Variants in LIPC observed in about 807,000 individuals in gnomAD.
LIPC encodes hepatic triacylglycerol lipase.
LIPC carries 44 observed loss-of-function variants against 50.7 expected under a neutral mutation model. The observed-to-expected ratio is 0.87, with a 90% CI of 0.68 to 1.11. LIPC has a LOEUF of 1.11. Among genes scored for constraint, LIPC ranks in the 50% most tolerant of loss-of-function variants. The probability of loss-of-function intolerance (pLI) is 0.00; values close to 1 mark genes in which losing one functional copy is unlikely to be tolerated. For synonymous variants in LIPC, 271 were observed against 256.4 expected (o/e 1.06, Z -0.54); for missense variants, 697 against 648.2 (o/e 1.08, Z -0.82).
intron 1 of LIPC, among the ~76,000 whole-genome samples, chr15:58,486,774 G>C (rs1329715253): frequency 1.3e-5 from 2 of 152,182 alleles, no homozygotes; most frequent in African/African-American, 4.8e-5. Flanking sequence ...TGTTTCATTT[G>C]CCAGTCAGAA....
Position 58,545,823 on chromosome 15 carries a change from C to T in LIPC, c.656C>T (p.Ala219Val), listed in dbSNP as rs1322529763. The change falls in exon 5 of 9, where the codon GCC becomes GTC. Residue 219 changes from alanine to valine, a missense_variant. Coordinates refer to ENST00000299022, the MANE Select transcript of LIPC (RefSeq NM_000236.3). Reference sequence around the variant, plus strand: ...CCAGATGATGCCAATTTTGTGGATGCCATTCATACCTTTACCCGGGAGCAC... The same window carrying T: ...CCAGATGATGCCAATTTTGTGGATGTCATTCATACCTTTACCCGGGAGCAC... The part of the protein sequence containing the change: ...LSPDDANFVD[A>V]IHTFTREHMG... The T allele has an allele frequency of 8.7e-6, 14 of 1,614,090 alleles. No homozygotes were observed. Among genetic ancestry groups the T allele is most frequent in the Non-Finnish European group, 1.2e-5 (14 of 1,180,044 alleles).
At chr15:58,543,175 G>T (rs1301294288) in intron 4 of LIPC, among the ~76,000 whole-genome samples, 1 of 152,110 alleles carries the variant, frequency 6.6e-6, no homozygotes, top group Non-Finnish European at 1.5e-5. Context: ...ATCCAGGAAG[G>T]TCTGCACATG....
chr15:58,542,671 C>T lies in LIPC; in HGVS notation c.574+20C>T. 2.0e-6 allele frequency: 3 copies of T among 1,507,270 alleles called. No individual in the cohort carries two copies. The highest frequency in any genetic ancestry group is 2.8e-6 in the Non-Finnish European group (3 of 1,082,908). The allele number at this position is 1,507,270 out of a possible 1,614,324, so 93.4% of individuals were successfully genotyped here. On this transcript the variant is annotated intron_variant, in intron 4 of 8. Transcript: ENST00000299022. ...TCACAGGTAACCATGCCTAATAACT[C>T]ACACACTGATCTCCACTCCATAGGG...
intron 6 of LIPC, among the ~76,000 whole-genome samples, chr15:58,551,343 G>A (rs1295166287): frequency 2.6e-5 from 4 of 152,180 alleles, no homozygotes; most frequent in Non-Finnish European, 1.5e-5. Context: ...ATGGGATACT[G>A]CTATCTATAT....
intron 1 of LIPC, among the ~76,000 whole-genome samples, chr15:58,461,839 C>A (rs538884581): frequency 6.6e-6 from 1 of 152,222 alleles, no homozygotes; most frequent in South Asian, 2.1e-4. Context: ...TGTCTCCCCC[C>A]GGTTCCGATT....
intron 1 of LIPC, among the ~76,000 whole-genome samples, chr15:58,432,693 C>T (rs1893166021): frequency 6.6e-6 from 1 of 152,188 alleles, no homozygotes; most frequent in Admixed American, 6.5e-5. Context: ...AATTCACAAA[C>T]TAGATTGATG....
intron 1 of LIPC, among the ~76,000 whole-genome samples, chr15:58,433,556 T>C (rs569376081): frequency 1.3e-5 from 2 of 152,374 alleles, no homozygotes; most frequent in African/African-American, 4.8e-5. Context: ...TTCTCACTGC[T>C]GTAGCATTCC....
At chr15:58,497,575 A>C (rs1891817120) in intron 1 of LIPC, 1 of 151,722 alleles carries the variant, frequency 6.6e-6, no homozygotes, top group Non-Finnish European at 1.5e-5. Flanking sequence ...TCCTGGAAGC[A>C]ATGTGCTCCG....
chr15:58,524,289 G>T (rs558302686), intron 1 of LIPC, among the ~76,000 whole-genome samples: 1 of 152,282 alleles, frequency 6.6e-6, no homozygotes, highest in Non-Finnish European at 1.5e-5. Flanking sequence ...CTTTAGTCAA[G>T]CTGCAAAGTA....
At chr15:58,506,329 C>T (rs564458567) in intron 1 of LIPC, among the ~76,000 whole-genome samples, 4 of 152,258 alleles carry the variant, frequency 2.6e-5, no homozygotes, top group African/African-American at 9.6e-5. Context: ...AAGCCAGCCA[C>T]ACCCAGTCTT....
At chr15:58,565,501 G>A (rs1182024079) in intron 8 of LIPC, 2 of 1,378,190 alleles carry the variant, frequency 1.5e-6, no homozygotes, top group East Asian at 2.6e-5. Context: ...ATTGAAGCAG[G>A]TGCTCCATGG....
At chr15:58,549,471 CT>C (rs1893670226) in intron 6 of LIPC, among the ~76,000 whole-genome samples, 1 of 152,198 alleles carries the variant, frequency 6.6e-6, no homozygotes, top group African/African-American at 2.4e-5. Context: ...CCATCAGCTC[CT>C]TGTGGTTCTC....
intron 1 of LIPC, among the ~76,000 whole-genome samples, chr15:58,439,199 G>A (rs1486446460): frequency 6.6e-6 from 1 of 152,134 alleles, no homozygotes; most frequent in Non-Finnish European, 1.5e-5. Flanking sequence ...GAAAATACAT[G>A]TGTTTGAGAA....
Position 58,464,277 on chromosome 15 carries a change from CGCA to C in LIPC, c.88+32159_88+32161del, listed in dbSNP as rs376228797. On this transcript the variant is annotated intron_variant, in intron 1 of 8. Coordinates refer to ENST00000299022, the MANE Select transcript of LIPC (RefSeq NM_000236.3). The stretch of plus-strand genomic sequence containing the variant: ...GGTTTCCTAGGAGCAGTACTCATAA[CGCA>C]GGTGCGATGGACACCTGTAGGTGGG... Among the ~76,000 whole-genome samples the C allele has an allele frequency of 2.9e-3, 436 of 152,218 alleles. 2 individuals are homozygous for C. The highest frequency in any genetic ancestry group is 0.01 in the African/African-American group (426 of 41,540).
intron 6 of LIPC, 57 bp downstream of exon 6, chr15:58,548,629 G>T: frequency 1.3e-6 from 2 of 1,555,086 alleles, no homozygotes; most frequent in South Asian, 1.2e-5. Context: ...CTGTCCAAAG[G>T]GCTCAGAAGT....
intron 3 of LIPC, among the ~76,000 whole-genome samples, chr15:58,542,310 G>T (rs1318339821): frequency 6.6e-6 from 1 of 152,190 alleles, no homozygotes; most frequent in Non-Finnish European, 1.5e-5. Flanking sequence ...GTGTCCAGGG[G>T]AAGACAGGCA....
intron 1 of LIPC, among the ~76,000 whole-genome samples, chr15:58,486,043 C>A (rs1891364501): frequency 6.6e-6 from 1 of 152,210 alleles, no homozygotes; most frequent in South Asian, 2.1e-4. Flanking sequence ...TTCCAGTGAA[C>A]AGAAAGCCCA....
At chr15:58,514,315 A>T (rs1295933600) in intron 1 of LIPC, among the ~76,000 whole-genome samples, 1 of 152,236 alleles carries the variant, frequency 6.6e-6, no homozygotes, top group Non-Finnish European at 1.5e-5. Context: ...AATGTCTATA[A>T]GGCATTTGCA....
intron 4 of LIPC, among the ~76,000 whole-genome samples, chr15:58,543,582 G>T (rs921678911): frequency 3.3e-5 from 5 of 152,078 alleles, no homozygotes; most frequent in African/African-American, 1.2e-4. Context: ...CCAAAACAAA[G>T]AGCATTTTAC....
Sources: gnomAD v4.1 joint callset for allele counts (sites outside exome capture counted in the v4.1 genomes callset) on GRCh38, gnomAD v4.1.1 for gene constraint, MANE v1.5 for transcripts, NCBI Gene and HGNC (gene_info 2026-07-23, HGNC 2026-07-21) for gene names.